CACNA1A: variants seen among roughly 807,000 people sequenced by gnomAD.
CACNA1A encodes calcium voltage-gated channel subunit alpha1 A, also known as voltage-dependent P/Q-type calcium channel subunit alpha-1A.
Under a neutral mutation model 262.4 loss-of-function variants are expected in CACNA1A, and 57 were observed. That is an observed-to-expected ratio of 0.22 (90% CI 0.18 to 0.27). The LOEUF (loss-of-function observed/expected upper bound fraction) is 0.27. CACNA1A is among the 10% of genes least tolerant of loss of function. The pLI, the probability that CACNA1A is intolerant of heterozygous loss-of-function variation, is 1.00. For missense variants in CACNA1A, 2,526 were observed against 3,562.8 expected (o/e 0.71, Z 7.41); for synonymous variants, 1,431 against 1,419.3 (o/e 1.01, Z -0.18).
chr19:13,228,276 G>T (rs1173610116), intron 36 of CACNA1A, among the ~76,000 whole-genome samples: 1 of 151,930 alleles, frequency 6.6e-6, no homozygotes. Context: ...AGGGGGCCTA[G>T]GTGGGGAGCA....
At chr19:13,303,926 G>T in intron 15 of CACNA1A, 42 bp from the exon 16 acceptor site, 1 of 1,387,058 alleles carries the variant, frequency 7.2e-7, no homozygotes, top group Non-Finnish European at 1.0e-6. Flanking sequence ...CCCCCTCTCA[G>T]CCACGGGCCC....
chr19:13,466,209 T>TA (rs2061233959), intron 1 of CACNA1A, among the ~76,000 whole-genome samples: 1 of 115,170 alleles, frequency 8.7e-6, no homozygotes, highest in Admixed American at 8.3e-5. Context: ...TTGGTTTTGC[T>TA]TTTTTTTTTT....
In CACNA1A at chr19:13,506,361, C is replaced by T; in HGVS notation, c.-137G>A. ...CTGGAGCTACGACTGCGGAGACGCT[C>T]CACGGCCCAGCCCATCGGGCGGCGG... On this transcript the variant is annotated 5_prime_UTR_variant, in exon 1 of 47. Transcript: ENST00000360228. 1 of 759,988 alleles carries T rather than the reference C, an allele frequency of 1.3e-6. No individual in the cohort carries two copies. The highest frequency in any genetic ancestry group is 1.9e-6 in the Non-Finnish European group (1 of 531,644). The allele number at this position is 759,988 out of a possible 1,614,324, so 47.1% of individuals were successfully genotyped here.
Position 13,464,543 on chromosome 19 carries a change from A to ATTTTTTTTTTTTTTTTT in CACNA1A, c.294-9348_294-9332dup, listed in dbSNP as rs540418372. ...CTGCTAATAGTAAATAACTTTTCCA[A>ATTTTTTTTTTTTTTTTT]TTTTTTTTTTTTTTTTTTTTTTAGA... On this transcript the variant is annotated intron_variant, in intron 1 of 46. Coordinates refer to ENST00000360228, the MANE Select transcript of CACNA1A (RefSeq NM_001127222.2). 2.4e-3 allele frequency among the ~76,000 whole-genome samples: 311 copies of ATTTTTTTTTTTTTTTTT among 128,918 alleles called. 17 individuals carry two copies. Among genetic ancestry groups the ATTTTTTTTTTTTTTTTT allele is most frequent in the African/African-American group, 9.1e-3 (292 of 32,048 alleles). The allele number at this position is 128,918 out of a possible 152,430, so 84.6% of individuals were successfully genotyped here.
chr19:13,285,540 GGGGCCCTCAT>G (rs1349845149), intron 20 of CACNA1A, among the ~76,000 whole-genome samples: 1 of 151,938 alleles, frequency 6.6e-6, no homozygotes, highest in Non-Finnish European at 1.5e-5. Context: ...TGAGTGCGGT[GGGGCCCTCAT>G]GGGATATTAA....
At chr19:13,455,356 G>A in intron 1 of CACNA1A, 144 bp from the exon 2 acceptor site, 1 of 562,956 alleles carries the variant, frequency 1.8e-6, no homozygotes. Context: ...TCGTTCTCCT[G>A]TCTGGAGTAG....
chr19:13,439,744 G>A (rs535704039), intron 3 of CACNA1A, among the ~76,000 whole-genome samples: 2 of 152,064 alleles, frequency 1.3e-5, no homozygotes, highest in East Asian at 3.9e-4. Context: ...ACCAAACACT[G>A]ACCGGCTATC....
intron 3 of CACNA1A, among the ~76,000 whole-genome samples, chr19:13,432,792 C>A (rs1004948782): frequency 6.6e-6 from 1 of 152,120 alleles, no homozygotes; most frequent in African/African-American, 2.4e-5. Context: ...TTGATTTAAT[C>A]ATTCAAAAAT....
intron 38 of CACNA1A, among the ~76,000 whole-genome samples, chr19:13,219,949 CAAAAA>C (rs751435539): frequency 2.9e-5 from 1 of 34,704 alleles, no homozygotes. Flanking sequence ...GACTCCGTTT[CAAAAA>C]AAAAAAAAAA....
At chr19:13,437,691 CAAA>C (rs35266881) in intron 3 of CACNA1A, among the ~76,000 whole-genome samples, 42 of 64,938 alleles carry the variant, frequency 6.5e-4, no homozygotes, top group Admixed American at 3.4e-3. Context: ...AACCCCATCT[CAAA>C]AAAAAAAAAA....
rs2054611568 is a variant in CACNA1A, at chr19:13,207,526, C to T, written c.7308G>A (p.Ala2436=). 1.4e-6 allele frequency: 2 copies of T among 1,436,682 alleles called. No individual in the cohort carries two copies. Among genetic ancestry groups the T allele is most frequent in the Non-Finnish European group, 1.8e-6 (2 of 1,096,902 alleles). 89.0% of individuals were successfully genotyped at this position (1,436,682 alleles called of 1,614,324 possible). A position where few individuals can be genotyped will look rare whatever the true frequency, so the allele number is the denominator to read the frequency against. ...AGGACGCGTGTCGTACGGGGGGTGG[C>T]GCGTCGTAGGCCCCGGCCATGGCCT... ...GEEAMAGAYD[A]PPPVRHASSG... The change falls in exon 47 of 47, where the codon GCG becomes GCA. Residue 2436 remains alanine (A), a synonymous_variant. Coordinates refer to ENST00000360228, the MANE Select transcript of CACNA1A (RefSeq NM_001127222.2). The surrounding 1 kb of genome is among the most constrained non-coding windows in gnomAD (Gnocchi z 5.7).
At chr19:13,349,428 G>A (rs531943281) in intron 6 of CACNA1A, among the ~76,000 whole-genome samples, 1 of 152,278 alleles carries the variant, frequency 6.6e-6, no homozygotes, top group African/African-American at 2.4e-5. Flanking sequence ...TGGCAAAGAG[G>A]GGGTCAGGGA....
At chr19:13,310,285 G>T (rs1236124385) in intron 12 of CACNA1A, among the ~76,000 whole-genome samples, 3 of 149,992 alleles carry the variant, frequency 2.0e-5, no homozygotes, top group Non-Finnish European at 4.4e-5. Context: ...CTGAATCCCG[G>T]TCTCTACAAA....
At chr19:13,470,107 T>C (rs1037215087) in intron 1 of CACNA1A, among the ~76,000 whole-genome samples, 3 of 152,166 alleles carry the variant, frequency 2.0e-5, no homozygotes, top group African/African-American at 7.2e-5. Flanking sequence ...CACCCGTGCA[T>C]ATTGGTATAA....
Position 13,371,791 on chromosome 19 carries a change from A to G in CACNA1A, c.540-12T>C. On this transcript the variant is annotated splice_polypyrimidine_tract_variant and intron_variant, in intron 3 of 46. Coordinates refer to ENST00000360228, the MANE Select transcript of CACNA1A (RefSeq NM_001127222.2). ...CTGTCGCCAAGATGCTGAAAGAAAGAAGCCAGAATGGAGAACAGAGGGTGG... is the reference window on the plus strand; with the variant it reads ...CTGTCGCCAAGATGCTGAAAGAAAGGAGCCAGAATGGAGAACAGAGGGTGG... 6.4e-7 allele frequency: 1 copy of G among 1,556,194 alleles called. No homozygotes were observed. Among genetic ancestry groups the G allele is most frequent in the Non-Finnish European group, 8.7e-7 (1 of 1,147,598 alleles).
chr19:13,293,439 C>CTTTTTTTTTTTTTTT (rs974515720), intron 19 of CACNA1A, among the ~76,000 whole-genome samples: 2 of 80,896 alleles, frequency 2.5e-5, no homozygotes, highest in Non-Finnish European at 4.4e-5. Context: ...TCAGTTAAAT[C>CTTTTTTTTTTTTTTT]TTTTTTTTTT....
At chr19:13,435,290 T>A (rs551465028) in intron 3 of CACNA1A, among the ~76,000 whole-genome samples, 1 of 151,800 alleles carries the variant, frequency 6.6e-6, no homozygotes, top group South Asian at 2.1e-4. Context: ...ATTTTTTTTT[T>A]TTTTTAGAAG....
chr19:13,422,563 A>G (rs1439142019), intron 3 of CACNA1A, among the ~76,000 whole-genome samples: 1 of 152,218 alleles, frequency 6.6e-6, no homozygotes, highest in African/African-American at 2.4e-5. Flanking sequence ...GCTCCTGGAA[A>G]GAATATCTGT....
At chr19:13,324,960 C>CT (rs201973338) in intron 10 of CACNA1A, among the ~76,000 whole-genome samples, 1 of 151,882 alleles carries the variant, frequency 6.6e-6, no homozygotes, top group East Asian at 1.9e-4. Flanking sequence ...AATGGATCAA[C>CT]TTTTTTTTGT....
Sources: gnomAD v4.1 joint callset for allele counts (sites outside exome capture counted in the v4.1 genomes callset) on GRCh38, gnomAD v4.1.1 for gene constraint, Gnocchi (gnomAD v3.1) non-coding constraint, MANE v1.5 for transcripts, NCBI Gene and HGNC (gene_info 2026-07-23, HGNC 2026-07-21) for gene names.